POLR1A: variants seen among roughly 807,000 people sequenced by gnomAD.
POLR1A encodes RNA polymerase I subunit A.
Under a neutral mutation model 205.3 loss-of-function variants are expected in POLR1A, and 84 were observed. The ratio of observed to expected loss-of-function variants is 0.41; its 90% CI spans 0.34 to 0.49. POLR1A has a LOEUF of 0.49. Ranked by LOEUF, POLR1A falls within the 20% of genes least tolerant of loss-of-function variation. The pLI, the probability that POLR1A is intolerant of heterozygous loss-of-function variation, is 0.22. For synonymous variants in POLR1A, 799 were observed against 863.7 expected, an observed-to-expected ratio of 0.93 and a Z score of 1.31; for missense variants, 1,645 against 2,204.5, an observed-to-expected ratio of 0.75 and a Z score of 5.08.
intron 1 of POLR1A, 82 bp downstream of exon 1, chr2:86,105,618 G>A (rs1673912317): frequency 1.1e-6 from 1 of 912,336 alleles, no homozygotes; most frequent in African/African-American, 1.6e-5. Flanking sequence ...GGATAGACTG[G>A]GCAAAAGCGC....
At chr2:86,068,402 G>GGGGGGGGGGGGT (rs1319707259) in intron 13 of POLR1A, among the ~76,000 whole-genome samples, 1 of 99,256 alleles carries the variant, frequency 1.0e-5, no homozygotes, top group Admixed American at 1.0e-4. Context: ...GGGGGGGCGG[G>GGGGGGGGGGGGT]TGTCGTCCAA....
Position 86,088,676 on chromosome 2 carries a change from A to G in POLR1A, c.627-7T>C. On this transcript the variant is annotated splice_polypyrimidine_tract_variant and splice_region_variant and intron_variant, in intron 5 of 33. Coordinates refer to ENST00000263857, the MANE Select transcript of POLR1A (RefSeq NM_015425.6). ...GACAACGGATCGCCCGGTCCTGTGC[A>G]GGAGGACAGTTGTGATTGAAGAGAG... The G allele has an allele frequency of 1.2e-6, 2 of 1,611,898 alleles. No homozygotes were observed. The highest frequency in any genetic ancestry group is 1.7e-6 in the Non-Finnish European group (2 of 1,177,906).
Position 86,027,927 on chromosome 2 carries a change from A to C in POLR1A, c.5020T>G (p.Phe1674Val). ...TTCAGAAACTGGAAGCTGGTTTCAA[A>C]TGTCATCTGCTGTAGCGGGGAAGAG... ...SNSSPLQQMTFETSFQFLKQA... is the reference protein window; with the variant it reads ...SNSSPLQQMTVETSFQFLKQA... The change falls in exon 33 of 34, where the codon TTT (phenylalanine) becomes GTT (valine). Residue 1674 changes from phenylalanine to valine, a missense_variant. This residue lies in a region of POLR1A where 86 missense variants were observed against 149.8 expected (regional missense o/e 0.57). Transcript: ENST00000263857. The C allele has an allele frequency of 6.2e-7, 1 of 1,614,220 alleles. No individual in the cohort carries two copies. The highest frequency in any genetic ancestry group is 8.5e-7 in the Non-Finnish European group (1 of 1,180,034).
intron 9 of POLR1A, among the ~76,000 whole-genome samples, chr2:86,079,816 C>T (rs1289174832): frequency 6.6e-6 from 1 of 152,134 alleles, no homozygotes; most frequent in African/African-American, 2.4e-5. Flanking sequence ...CCTGCCTCAG[C>T]CTCCCAAAGT....
intron 27 of POLR1A, among the ~76,000 whole-genome samples, chr2:86,034,514 G>C (rs1180817438): frequency 6.6e-6 from 1 of 152,170 alleles, no homozygotes; most frequent in African/African-American, 2.4e-5. Context: ...ACTTCCTCCA[G>C]AGCCATCTAT....
Position 86,027,111 on chromosome 2 carries a change from G to T in POLR1A, c.*312C>A. ...CGTGAATCAGGACTTCTCCTTAGGG[G>T]TTATGCCACAGAGGCCTCCTGCAGC... On this transcript the variant is annotated 3_prime_UTR_variant, in exon 34 of 34. Coordinates refer to ENST00000263857, the MANE Select transcript of POLR1A (RefSeq NM_015425.6). The T allele has an allele frequency of 7.2e-6, 3 of 414,312 alleles. No homozygotes were observed. The highest frequency in any genetic ancestry group is 4.2e-5 in the East Asian group (1 of 23,640). The allele number at this position is 414,312 out of a possible 1,614,324, so 25.7% of individuals were successfully genotyped here. A position where few individuals can be genotyped will look rare whatever the true frequency, so the allele number is the denominator to read the frequency against.
At chr2:86,054,963 G>A (rs1397818572) in intron 14 of POLR1A, among the ~76,000 whole-genome samples, 2 of 152,198 alleles carry the variant, frequency 1.3e-5, no homozygotes, top group Middle Eastern at 3.2e-3. Context: ...CATCAACAGC[G>A]CTTAGTGTGC....
At chr2:86,055,381 T>C (rs986250656) in intron 14 of POLR1A, among the ~76,000 whole-genome samples, 1 of 152,072 alleles carries the variant, frequency 6.6e-6, no homozygotes, top group Non-Finnish European at 1.5e-5. Context: ...CAGGGGACAA[T>C]GGACAACAGC....
At chr2:86,040,101 C>T (rs1398401138) in intron 25 of POLR1A, 4 of 293,962 alleles carry the variant, frequency 1.4e-5, no homozygotes, top group African/African-American at 4.3e-5. Context: ...TAACAATGTA[C>T]GTTCCTGAGT....
At chr2:86,045,470 C>T (rs1163529376) in intron 20 of POLR1A, 110 bp from the exon 21 acceptor site, 2 of 1,242,158 alleles carry the variant, frequency 1.6e-6, no homozygotes, top group Non-Finnish European at 1.2e-6. Flanking sequence ...AGGCCACTCC[C>T]TTCCCTGATC....
intron 3 of POLR1A, among the ~76,000 whole-genome samples, chr2:86,093,990 G>A (rs752205111): frequency 2.0e-5 from 3 of 152,156 alleles, no homozygotes; most frequent in Non-Finnish European, 1.5e-5. Flanking sequence ...TCGATTGCGG[G>A]CATGTCTGAT....
chr2:86,029,490 G>T (rs1672340551), intron 31 of POLR1A, among the ~76,000 whole-genome samples: 1 of 152,034 alleles, frequency 6.6e-6, no homozygotes. Flanking sequence ...GAATGCCAGG[G>T]CACCTCTACC....
intron 6 of POLR1A, 132 bp from the exon 7 acceptor site, chr2:86,083,300 T>A: frequency 2.9e-6 from 2 of 683,358 alleles, no homozygotes; most frequent in Non-Finnish European, 5.3e-6. Context: ...TAGCATATTA[T>A]CAGGCCTGGA....
chr2:86,065,131 C>A, intron 14 of POLR1A, 143 bp downstream of exon 14: 1 of 785,804 alleles, frequency 1.3e-6, no homozygotes. Flanking sequence ...CTCAGGAACC[C>A]CAAACAAAGG....
chr2:86,082,059 C>T (rs946579375), intron 7 of POLR1A, among the ~76,000 whole-genome samples: 4 of 151,998 alleles, frequency 2.6e-5, no homozygotes, highest in African/African-American at 9.7e-5. Flanking sequence ...TGGTCTCGAA[C>T]TCCTGGGCTC....
chr2:86,063,335 C>CAAAAAAAAAAAAAAAAAAAAAAAA (rs34298205), intron 14 of POLR1A, among the ~76,000 whole-genome samples: 1 of 41,244 alleles, frequency 2.4e-5, no homozygotes, highest in Non-Finnish European at 4.3e-5. Context: ...AACTCCATCT[C>CAAAAAAAAAAAAAAAAAAAAAAAA]AAAAAAAAAA....
At chr2:86,042,943 G>C (rs1205405629) in intron 23 of POLR1A, 31 bp downstream of exon 23, 3 of 1,516,852 alleles carry the variant, frequency 2.0e-6, no homozygotes, top group Non-Finnish European at 2.7e-6. Context: ...TGGACGTGCT[G>C]GACATTAAGG....
intron 2 of POLR1A, 107 bp from the exon 3 acceptor site, chr2:86,098,867 A>C: frequency 1.0e-6 from 1 of 997,668 alleles, no homozygotes; most frequent in Non-Finnish European, 1.5e-6. Context: ...CTATTCCTTT[A>C]AAAACTCTAC....
Position 86,070,066 on chromosome 2 carries a change from G to A in POLR1A, c.1818C>T (p.Ala606=), listed in dbSNP as rs371837672. The A allele has an allele frequency of 1.2e-4, 196 of 1,613,886 alleles. No homozygotes were observed. Among genetic ancestry groups the A allele is most frequent in the Middle Eastern group, 1.6e-4 (1 of 6,082 alleles). The change falls in exon 13 of 34, where the codon GCC becomes GCT. Residue 606 remains alanine, a synonymous_variant. Transcript: ENST00000263857. This position sits in a 1 kb window ranked among gnomAD's most constrained non-coding sequence, Gnocchi z 4.4. ...CAGTGCAGGCCAGGACGTAGGCCTC[G>A]GCCCGGCCCAGCTCACTCTGGGGGA... ...AHFPQSELGR[A]EAYVLACTDQ...
Sources: allele counts gnomAD v4.1 joint callset (sites outside exome capture counted in the v4.1 genomes callset), GRCh38; gene constraint gnomAD v4.1.1; regional missense constraint gnomAD v4.1.1; non-coding constraint Gnocchi (gnomAD v3.1); transcripts MANE v1.5; gene names NCBI Gene and HGNC (gene_info 2026-07-23, HGNC 2026-07-21).